The following NFIB variants were observed in gnomAD, a reference collection of about 807,000 sequenced individuals.
NFIB encodes nuclear factor I B, also known as nuclear factor 1 B-type.
NFIB carries 11 observed loss-of-function variants against 61.5 expected under a neutral mutation model. That is an observed-to-expected ratio of 0.18 (90% CI 0.11 to 0.30). NFIB has a LOEUF of 0.30. Among genes scored for constraint, NFIB ranks in the 10% least tolerant of loss-of-function variants. NFIB has a pLI of 1.00. For missense variants in NFIB, 471 were observed against 608.9 expected (o/e 0.77, Z 2.38); for synonymous variants, 260 against 216.5 (o/e 1.20, Z -1.76).
chr9:14,258,897 G>A lies in NFIB; in HGVS notation c.562+48092C>T, dbSNP rs531306201. Among the ~76,000 whole-genome samples the A allele has an allele frequency of 7.2e-5, 11 of 152,250 alleles. 1 individual carries two copies. The highest frequency in any genetic ancestry group is 2.4e-4 in the African/African-American group (10 of 41,536). On this transcript the variant is annotated intron_variant, in intron 2 of 10. Transcript: ENST00000380953. The stretch of plus-strand genomic sequence containing the variant: ...CAGGACTAACAAACACACAGTCCAG[G>A]GCTCTGGTTACTATGCCTTCTTTCT...
chr9:14,291,152 T>C (rs923193465), intron 2 of NFIB, among the ~76,000 whole-genome samples: 1 of 152,064 alleles, frequency 6.6e-6, no homozygotes, highest in Admixed American at 6.6e-5. Context: ...CACAGGGCAT[T>C]TCTAAAACAT....
intron 2 of NFIB, chr9:14,306,034 A>T: frequency 1.1e-6 from 1 of 939,186 alleles, no homozygotes; most frequent in Non-Finnish European, 1.5e-6. Context: ...TAAGGAAAAT[A>T]TATTAAGAAA....
At chr9:14,108,833 T>C (rs1347921423) in intron 10 of NFIB, among the ~76,000 whole-genome samples, 3 of 152,114 alleles carry the variant, frequency 2.0e-5, no homozygotes, top group South Asian at 2.1e-4. Context: ...ATTTATTCAG[T>C]TGAAATCTCA....
chr9:14,467,802 C>G, the NFIB span, among the ~76,000 whole-genome samples: 1 of 152,280 alleles, frequency 6.6e-6, no homozygotes, highest in South Asian at 2.1e-4. Flanking sequence ...GGCCAAACAT[C>G]TTACATTTGA....
Position 14,313,553 on chromosome 9 carries a change from A to G in NFIB, c.-42T>C, listed in dbSNP as rs761661940. On this transcript the variant is annotated 5_prime_UTR_variant, in exon 1 of 11. Coordinates refer to ENST00000380953, the MANE Select transcript of NFIB (RefSeq NM_001190737.2). The surrounding 1 kb of genome is among the most constrained non-coding windows in gnomAD (Gnocchi z 4.5). Reference sequence around the variant, plus strand: ...GCACTTTCCGGGAGATGCCCAAGAAAATCTTCGAGAAGCAAGAATTTCATC... The same window carrying G: ...GCACTTTCCGGGAGATGCCCAAGAAGATCTTCGAGAAGCAAGAATTTCATC... The G allele has an allele frequency of 3.1e-6, 5 of 1,613,012 alleles. No individual in the cohort carries two copies. Among genetic ancestry groups the G allele is most frequent in the African/African-American group, 1.3e-5 (1 of 74,874 alleles).
At chr9:14,308,233 A>G (rs1563996908) in intron 1 of NFIB, among the ~76,000 whole-genome samples, 2 of 152,176 alleles carry the variant, frequency 1.3e-5, no homozygotes, top group Non-Finnish European at 2.9e-5. Flanking sequence ...AAAGTGGGCA[A>G]AGGACACAGC....
the NFIB span, among the ~76,000 whole-genome samples, chr9:14,445,121 T>A: frequency 6.6e-6 from 1 of 152,194 alleles, no homozygotes; most frequent in East Asian, 1.9e-4. Flanking sequence ...TGGCCCCAAC[T>A]ATTTGTTGCT....
chr9:14,497,934 G>A, the NFIB span, among the ~76,000 whole-genome samples: 1 of 152,208 alleles, frequency 6.6e-6, no homozygotes, highest in Non-Finnish European at 1.5e-5. Flanking sequence ...CAGAGATGGA[G>A]GAAGTACCAG....
chr9:14,345,643 C>A (rs1482134388), intron 1 of NFIB, among the ~76,000 whole-genome samples: 1 of 152,186 alleles, frequency 6.6e-6, no homozygotes, highest in Non-Finnish European at 1.5e-5. Flanking sequence ...AGAGAGCGGG[C>A]AGCGGCTAGC....
In NFIB at chr9:14,120,738, C is replaced by G; in HGVS notation, c.1061-114G>C. On this transcript the variant is annotated intron_variant, in intron 7 of 10. Transcript: ENST00000380953. The surrounding 1 kb of genome is among the most constrained non-coding windows in gnomAD (Gnocchi z 4.4). ...AACTGGTAACCATTCATTTTTGTCC[C>G]CATGATTTAACCAAGCTCTCCTAAA... is the stretch of plus-strand genomic sequence containing the variant. 1 of 1,111,262 alleles carries G rather than the reference C, an allele frequency of 9.0e-7. No individual in the cohort carries two copies. The highest frequency in any genetic ancestry group is 1.3e-6 in the Non-Finnish European group (1 of 798,076). The allele number at this position is 1,111,262 out of a possible 1,614,324, so 68.8% of individuals were successfully genotyped here.
At chr9:14,359,634 T>A (rs1467681095) in intron 1 of NFIB, among the ~76,000 whole-genome samples, 1 of 152,158 alleles carries the variant, frequency 6.6e-6, no homozygotes, top group Non-Finnish European at 1.5e-5. Context: ...ATGGGAGCCA[T>A]AAGAAACTAT....
In NFIB at chr9:14,313,527, C is replaced by G; in HGVS notation, c.-16G>C. 1.2e-6 allele frequency: 2 copies of G among 1,613,644 alleles called. No homozygotes were observed. The highest frequency in any genetic ancestry group is 2.2e-5 in the South Asian group (2 of 91,002). ...AATACATCATGACTTCGCCTTAAAA[C>G]GCACTTTCCGGGAGATGCCCAAGAA... is the stretch of plus-strand genomic sequence containing the variant. On this transcript the variant is annotated 5_prime_UTR_variant, in exon 1 of 11. Transcript: ENST00000380953. This position sits in a 1 kb window ranked among gnomAD's most constrained non-coding sequence, Gnocchi z 4.5.
At chr9:14,193,075 T>G (rs1014310703) in intron 2 of NFIB, among the ~76,000 whole-genome samples, 2 of 151,618 alleles carry the variant, frequency 1.3e-5, no homozygotes, top group African/African-American at 2.4e-5. Flanking sequence ...AGTACAAAAT[T>G]CTGTATCCCA....
At chr9:14,528,153 G>C in the NFIB span, among the ~76,000 whole-genome samples, 1 of 152,156 alleles carries the variant, frequency 6.6e-6, no homozygotes, top group Non-Finnish European at 1.5e-5. Context: ...AATGTTTGCT[G>C]TGAAAACAAT....
At chr9:14,281,388 G>GT (rs1254263029) in intron 2 of NFIB, among the ~76,000 whole-genome samples, 2 of 152,100 alleles carry the variant, frequency 1.3e-5, no homozygotes, top group East Asian at 3.9e-4. Flanking sequence ...GGAGAGACAC[G>GT]TAACTCAAGC....
chr9:14,122,562 T>C (rs1454952799), intron 7 of NFIB, among the ~76,000 whole-genome samples: 4 of 152,222 alleles, frequency 2.6e-5, no homozygotes, highest in African/African-American at 7.2e-5. Flanking sequence ...TTACTTTATT[T>C]AAGAAGTATA....
At chr9:14,102,650 C>CA (rs59354958) in intron 10 of NFIB, 135 of 544,980 alleles carry the variant, frequency 2.5e-4, no homozygotes, top group South Asian at 3.6e-4. Flanking sequence ...AAAAAAAAAG[C>CA]AAAAAAAAAT....
At chr9:14,465,681 T>A in the NFIB span, among the ~76,000 whole-genome samples, 1 of 151,898 alleles carries the variant, frequency 6.6e-6, no homozygotes, top group African/African-American at 2.4e-5. Flanking sequence ...AGCCCAAGGT[T>A]CTCTGGTCCT....
chr9:14,446,906 A>T, the NFIB span, among the ~76,000 whole-genome samples: 4 of 152,140 alleles, frequency 2.6e-5, no homozygotes, highest in Non-Finnish European at 5.9e-5. Flanking sequence ...AAAAATTTTC[A>T]AACAAATCTC....
Sources: allele counts gnomAD v4.1 joint callset (sites outside exome capture counted in the v4.1 genomes callset), GRCh38; gene constraint gnomAD v4.1.1; non-coding constraint Gnocchi (gnomAD v3.1); transcripts MANE v1.5; gene names NCBI Gene and HGNC (gene_info 2026-07-23, HGNC 2026-07-21).